The following CCDC66 variants were observed in gnomAD, a reference collection of about 807,000 sequenced individuals.
The protein encoded by CCDC66 is coiled-coil domain containing 66.
CCDC66 carries 133 observed loss-of-function variants against 128.3 expected under a neutral mutation model. That is an observed-to-expected ratio of 1.04 (90% CI 0.90 to 1.20). The LOEUF (loss-of-function observed/expected upper bound fraction) is 1.20. Ranked by LOEUF, CCDC66 falls within the 50% of genes most tolerant of loss-of-function variation. The pLI is 0.00. For missense variants in CCDC66, 1,126 were observed against 1,075.5 expected, an observed-to-expected ratio of 1.05 and a Z score of -0.66; for synonymous variants, 387 against 357.0, an observed-to-expected ratio of 1.08 and a Z score of -0.95.
intron 10 of CCDC66, among the ~76,000 whole-genome samples, chr3:56,608,900 G>A (rs1037568688): frequency 1.3e-5 from 2 of 152,134 alleles, no homozygotes; most frequent in African/African-American, 4.8e-5. Flanking sequence ...TAATTTCCAT[G>A]TATTTGTGTG....
chr3:56,621,437 A>G (rs927653472), intron 17 of CCDC66, 95 bp from the exon 18 acceptor site: 7 of 851,022 alleles, frequency 8.2e-6, no homozygotes, highest in African/African-American at 3.4e-5. Flanking sequence ...ATCCTAAGCG[A>G]TATGTTTTCC....
intron 4 of CCDC66, chr3:56,565,212 G>A (rs2065636354): frequency 1.6e-5 from 5 of 309,812 alleles, no homozygotes; most frequent in South Asian, 6.2e-5. Flanking sequence ...AAGGTAATGA[G>A]TATTTATCAA....
intron 4 of CCDC66, among the ~76,000 whole-genome samples, chr3:56,565,824 G>A (rs1432310789): frequency 1.3e-5 from 2 of 148,814 alleles, no homozygotes; most frequent in Non-Finnish European, 1.5e-5. Flanking sequence ...CCGCCACCAC[G>A]CCCGGCTAAT....
At chr3:56,583,872 G>A (rs1437642947) in intron 7 of CCDC66, among the ~76,000 whole-genome samples, 10 of 130,366 alleles carry the variant, frequency 7.7e-5, no homozygotes, top group East Asian at 5.2e-4. Flanking sequence ...CAGAAGGGGC[G>A]GCCGGGCAGA....
At chr3:56,561,651 G>A (rs573295255) in intron 3 of CCDC66, among the ~76,000 whole-genome samples, 23 of 152,228 alleles carry the variant, frequency 1.5e-4, no homozygotes, top group African/African-American at 5.3e-4. Context: ...TATTGATAGA[G>A]GTTACAGAGA....
At position 56,563,872 on chromosome 3, in the gene CCDC66, A is replaced by T. The variant is rs2065445627; in HGVS notation, c.291A>T (p.Lys97Asn). ...MTFSSTKDLC[K>N]QCIDKDCLHI... ...TTTCATCCACTAAGGATTTATGTAA[A>T]CAATGTATAGATAAAGACTGTCTTC... Residue 97 changes from lysine to asparagine, a missense_variant, in exon 4 of 18, where the codon AAA becomes AAT. Physicochemically the swap from Lys to Asn is moderately conservative, Grantham distance 94. Transcript: ENST00000394672. 1 of 1,603,678 alleles carries T rather than the reference A, an allele frequency of 6.2e-7. No homozygotes were observed. Among genetic ancestry groups the T allele is most frequent in the African/African-American group, 1.3e-5 (1 of 74,496 alleles).
At chr3:56,615,758 C>T (rs780286160) in intron 12 of CCDC66, 164 bp from the exon 13 acceptor site, 3 of 467,288 alleles carry the variant, frequency 6.4e-6, no homozygotes, top group Non-Finnish European at 1.1e-5. Flanking sequence ...AAATGATCTC[C>T]CTAAATTCAG....
intron 6 of CCDC66, among the ~76,000 whole-genome samples, chr3:56,568,198 A>G (rs1358014927): frequency 6.6e-6 from 1 of 152,192 alleles, no homozygotes; most frequent in Non-Finnish European, 1.5e-5. Flanking sequence ...CAGCTTTGCA[A>G]GGCTACTTCT....
intron 10 of CCDC66, among the ~76,000 whole-genome samples, chr3:56,602,549 T>C (rs2073359989): frequency 6.6e-6 from 1 of 152,060 alleles, no homozygotes; most frequent in South Asian, 2.1e-4. Flanking sequence ...TCAGAAGGAA[T>C]GGTACCAGCT....
At chr3:56,600,220 C>G (rs986343510) in intron 10 of CCDC66, among the ~76,000 whole-genome samples, 1 of 149,264 alleles carries the variant, frequency 6.7e-6, no homozygotes, top group Non-Finnish European at 1.5e-5. Context: ...GCAATCTCAG[C>G]TCACTGCGAC....
At chr3:56,586,427 A>C (rs1436099579) in intron 7 of CCDC66, among the ~76,000 whole-genome samples, 1 of 151,564 alleles carries the variant, frequency 6.6e-6, no homozygotes, top group Non-Finnish European at 1.5e-5. Flanking sequence ...GCTACTCAGG[A>C]GGCTGAGGCA....
chr3:56,570,950 A>G (rs2066532275), intron 6 of CCDC66, among the ~76,000 whole-genome samples: 1 of 152,210 alleles, frequency 6.6e-6, no homozygotes. Flanking sequence ...ACTGCTCCTT[A>G]TTGGTAATTG....
intron 3 of CCDC66, among the ~76,000 whole-genome samples, chr3:56,560,528 C>T (rs187331918): frequency 6.6e-6 from 1 of 152,164 alleles, no homozygotes; most frequent in Non-Finnish European, 1.5e-5. Context: ...GTCAGGAGTT[C>T]AAGGCCAGCC....
rs769409874 is a variant in CCDC66, at chr3:56,593,729, G to A, written c.1307G>A (p.Ser436Asn). ...KPIKDVVMANSKKTNFLRSMT... is the reference protein window; with the variant it reads ...KPIKDVVMANNKKTNFLRSMT... ...ATTAAGGATGTGGTTATGGCAAACAGTAAGAAAACAAAGTAAGTTCATGCT... is the reference window on the plus strand; with the variant it reads ...ATTAAGGATGTGGTTATGGCAAACAATAAGAAAACAAAGTAAGTTCATGCT... Residue 436 changes from serine to asparagine, a missense_variant, in exon 9 of 18, where the codon AGT becomes AAT. Coordinates refer to ENST00000394672, the MANE Select transcript of CCDC66 (RefSeq NM_001141947.3). 1.1e-5 allele frequency: 18 copies of A among 1,611,422 alleles called. 1 individual carries two copies. In the South Asian group the frequency reaches 1.6e-4, roughly 15 times the overall value.
intron 9 of CCDC66, 78 bp downstream of exon 9, chr3:56,593,819 G>C: frequency 6.3e-7 from 1 of 1,584,886 alleles, no homozygotes; most frequent in Non-Finnish European, 8.6e-7. Context: ...TGTCTAATTG[G>C]TTTCAGGTTT....
At chr3:56,580,338 A>G (rs1266079085) in intron 7 of CCDC66, among the ~76,000 whole-genome samples, 1 of 150,848 alleles carries the variant, frequency 6.6e-6, no homozygotes, top group African/African-American at 2.4e-5. Context: ...AATACAGCAC[A>G]CTGATGGGTC....
intron 10 of CCDC66, among the ~76,000 whole-genome samples, chr3:56,607,763 T>C (rs1251283277): frequency 6.6e-6 from 1 of 152,192 alleles, no homozygotes; most frequent in Non-Finnish European, 1.5e-5. Flanking sequence ...CAGTATTATG[T>C]TGGCTGTGGG....
At chr3:56,611,335 T>G (rs1386690894) in intron 10 of CCDC66, among the ~76,000 whole-genome samples, 1 of 151,838 alleles carries the variant, frequency 6.6e-6, no homozygotes, top group Non-Finnish European at 1.5e-5. Flanking sequence ...TCATGCAGGT[T>G]GTCAGGGAAG....
At chr3:56,614,410 CATT>C (rs755635007) in intron 11 of CCDC66, among the ~76,000 whole-genome samples, 4 of 152,134 alleles carry the variant, frequency 2.6e-5, no homozygotes, top group African/African-American at 4.8e-5. Flanking sequence ...ATTGGCCTAT[CATT>C]ATCCACTTAG....
Sources: gnomAD v4.1 joint callset for allele counts (sites outside exome capture counted in the v4.1 genomes callset) on GRCh38, gnomAD v4.1.1 for gene constraint, MANE v1.5 for transcripts, NCBI Gene and HGNC (gene_info 2026-07-23, HGNC 2026-07-21) for gene names.